The following OOSP1 variants were observed in gnomAD, a reference collection of about 807,000 sequenced individuals.
OOSP1 encodes oocyte secreted protein 1, also known as putative oocyte-secreted protein 1 homolog.
OOSP1 carries 11 observed loss-of-function variants against 5.7 expected under a neutral mutation model. The observed-to-expected ratio is 1.94, with a 90% CI of 1.22 to 3.20. The LOEUF (loss-of-function observed/expected upper bound fraction) is 3.20. Ranked by LOEUF, OOSP1 falls within the 30% of genes most tolerant of loss-of-function variation. OOSP1 has a pLI of 0.00. For missense variants in OOSP1, 83 were observed against 54.1 expected (o/e 1.53, Z -1.67); for synonymous variants, 44 against 20.0 (o/e 2.20, Z -3.20).
chr11:59,956,589 C>T (rs1451320905), intron 4 of OOSP1, among the ~76,000 whole-genome samples: 1 of 152,018 alleles, frequency 6.6e-6, no homozygotes, highest in Non-Finnish European at 1.5e-5. Context: ...TATTGGGGTA[C>T]AGGAGGTGCT....
At chr11:59,942,801 T>C (rs1428151786) in intron 1 of OOSP1, 46 bp from the exon 2 acceptor site, 1 of 676,790 alleles carries the variant, frequency 1.5e-6, no homozygotes, top group African/African-American at 1.8e-5. Flanking sequence ...TTTGAGCTGA[T>C]CTATGTAATT....
At chr11:59,946,558 T>G (rs1853885747) in intron 3 of OOSP1, among the ~76,000 whole-genome samples, 1 of 152,220 alleles carries the variant, frequency 6.6e-6, no homozygotes, top group African/African-American at 2.4e-5. Flanking sequence ...ATACTAGGAA[T>G]ATTATTGAAA....
chr11:59,955,262 T>C (rs1002681437), intron 4 of OOSP1, among the ~76,000 whole-genome samples: 2 of 152,150 alleles, frequency 1.3e-5, no homozygotes, highest in African/African-American at 4.8e-5. Flanking sequence ...TCTTTTTAAA[T>C]CCTTTCAGTC....
intron 4 of OOSP1, among the ~76,000 whole-genome samples, chr11:59,951,074 A>G (rs1853935196): frequency 6.6e-6 from 1 of 152,130 alleles, no homozygotes; most frequent in Non-Finnish European, 1.5e-5. Flanking sequence ...TTTATGATAA[A>G]TTATCAAATT....
exon 1 of OOSP1, chr11:59,938,480 G>A (rs1331880266): frequency 6.4e-6 from 4 of 627,212 alleles, no homozygotes; most frequent in African/African-American, 3.7e-5. Context: ...GGGTTCAAAG[G>A]GCTCTTTTAT....
chr11:59,948,639 T>C lies in OOSP1; in HGVS notation c.486+777T>C, dbSNP rs1032689980. 1.5e-5 allele frequency: 6 copies of C among 396,784 alleles called. No individual in the cohort carries two copies. In the East Asian group the frequency reaches 2.1e-4, roughly 14 times the overall value. The allele number at this position is 396,784 out of a possible 1,614,324, so 24.6% of individuals were successfully genotyped here. A position where few individuals can be genotyped will look rare whatever the true frequency, so the allele number is the denominator to read the frequency against. On this transcript the variant is annotated intron_variant, in intron 4 of 4. Transcript: ENST00000646685. Reference sequence around the variant, plus strand: ...TGCTTTACTTATGAATAACAGGCTCTTAGAAGTAGGGAAGTAATGTTTACA... The same window carrying C: ...TGCTTTACTTATGAATAACAGGCTCCTAGAAGTAGGGAAGTAATGTTTACA...
chr11:59,945,203 T>G, exon 3 of OOSP1: 1 of 702,932 alleles, frequency 1.4e-6, no homozygotes, highest in Non-Finnish European at 2.6e-6. Flanking sequence ...AAAACTAAAA[T>G]CAGGTATATC....
At chr11:59,950,136 T>C (rs1203347962) in intron 4 of OOSP1, among the ~76,000 whole-genome samples, 8 of 152,176 alleles carry the variant, frequency 5.3e-5, no homozygotes, top group East Asian at 1.9e-4. Flanking sequence ...ATATGAAATA[T>C]GTTAGAGGAA....
At chr11:59,944,972 C>T (rs942983506) in intron 2 of OOSP1, among the ~76,000 whole-genome samples, 197 bp from the exon 3 acceptor site, 1 of 152,208 alleles carries the variant, frequency 6.6e-6, no homozygotes, top group Non-Finnish European at 1.5e-5. Context: ...TATGTGCAAG[C>T]ACTGTGCCAG....
intron 2 of OOSP1, among the ~76,000 whole-genome samples, chr11:59,944,453 A>T (rs1395708385): frequency 6.6e-6 from 1 of 152,148 alleles, no homozygotes; most frequent in Non-Finnish European, 1.5e-5. Context: ...TTTTCAAATT[A>T]TCCAATGAGA....
intron 1 of OOSP1, among the ~76,000 whole-genome samples, chr11:59,940,916 C>T (rs919864259): frequency 2.6e-5 from 4 of 152,172 alleles, no homozygotes; most frequent in Non-Finnish European, 5.9e-5. Context: ...TATTCAGCTT[C>T]ACACAATGGT....
intron 4 of OOSP1, among the ~76,000 whole-genome samples, chr11:59,956,927 A>ATT (rs1204817794): frequency 6.6e-6 from 1 of 152,134 alleles, no homozygotes; most frequent in African/African-American, 2.4e-5. Flanking sequence ...ATATATATAT[A>ATT]TAACAGTTTC....
At chr11:59,953,929 T>C (rs572308521) in intron 4 of OOSP1, among the ~76,000 whole-genome samples, 183 of 152,332 alleles carry the variant, frequency 1.2e-3, no homozygotes, top group African/African-American at 4.3e-3. Context: ...GAATATGTTC[T>C]GAGAAATGCA....
Position 59,945,251 on chromosome 11 carries a change from C to A in OOSP1, c.341C>A (p.Ser114Ter). The A allele has an allele frequency of 2.8e-6, 2 of 702,976 alleles. No individual in the cohort carries two copies. Among genetic ancestry groups the A allele is most frequent in the South Asian group, 3.0e-5 (2 of 67,598 alleles). 43.5% of individuals were successfully genotyped at this position (702,976 alleles called of 1,614,324 possible). ...ACTGTCCGATCTGAAATGCCTCTGT[C>A]GTGTGTCGTCCACAAGTGAGTATGG... Residue 114 changes from serine to a stop codon, truncating the protein, a stop_gained, in exon 3 of 5, where the codon TCG (serine) becomes TAG (stop). Coordinates refer to ENST00000646685, the Ensembl canonical transcript of OOSP1. LOFTEE classifies it high-confidence loss of function.
exon 3 of OOSP1, chr11:59,945,247 C>G: frequency 1.4e-6 from 1 of 703,022 alleles, no homozygotes; most frequent in Non-Finnish European, 2.6e-6. Context: ...TGAAATGCCT[C>G]TGTCGTGTGT....
chr11:59,945,656 C>T (rs938137059), intron 3 of OOSP1, among the ~76,000 whole-genome samples: 3 of 143,486 alleles, frequency 2.1e-5, no homozygotes, highest in African/African-American at 7.8e-5. Flanking sequence ...GAGCTTGAGG[C>T]AGCAGAATGG....
At chr11:59,942,180 A>T (rs1466812652) in intron 1 of OOSP1, among the ~76,000 whole-genome samples, 1 of 152,132 alleles carries the variant, frequency 6.6e-6, no homozygotes, top group African/African-American at 2.4e-5. Flanking sequence ...AAAACAAAAA[A>T]ACTCATGCCT....
intron 2 of OOSP1, among the ~76,000 whole-genome samples, chr11:59,944,485 A>G (rs1485960422): frequency 6.6e-6 from 1 of 152,108 alleles, no homozygotes; most frequent in Non-Finnish European, 1.5e-5. Flanking sequence ...CTGAGACGGG[A>G]ACATTTAAAA....
rs568019039 is a variant in OOSP1 at position 59,940,470 on chromosome 11, C to T, written c.76+1940C>T. On this transcript the variant is annotated intron_variant, in intron 1 of 4. Coordinates refer to ENST00000646685, the Ensembl canonical transcript of OOSP1. ...AATTTGTGGATCTGTAAATATGTTT[C>T]GCAGGCATTTATCTTCTATTTCTAT... Among the ~76,000 whole-genome samples the T allele has an allele frequency of 9.2e-5, 14 of 152,266 alleles. No individual in the cohort carries two copies. The South Asian group carries it at 1.0e-3, about 11-fold the overall frequency.
Sources: gnomAD v4.1 joint callset for allele counts (sites outside exome capture counted in the v4.1 genomes callset) on GRCh38, gnomAD v4.1.1 for gene constraint, MANE v1.5 for transcripts, NCBI Gene and HGNC (gene_info 2026-07-23, HGNC 2026-07-21) for gene names.